The following ATP11C variants were observed in gnomAD, a reference collection of about 807,000 sequenced individuals.
ATP11C encodes the protein phospholipid-transporting ATPase IG.
A neutral mutation model predicts 97.4 loss-of-function variants in ATP11C; 36 were observed. The observed-to-expected ratio is 0.37, with a 90% CI of 0.28 to 0.49. The LOEUF is 0.49. Ranked by LOEUF, ATP11C falls within the 20% of genes least tolerant of loss-of-function variation. The pLI is 0.98. For synonymous variants in ATP11C, 275 were observed against 290.9 expected (o/e 0.95, Z 0.56); for missense variants, 730 against 824.6 (o/e 0.89, Z 1.40).
chrX:139,842,483 C>T lies in ATP11C; in HGVS notation c.28-15660G>A, dbSNP rs150478656. Among the ~76,000 whole-genome samples, 454 of 112,730 alleles carry T rather than the reference C, an allele frequency of 4.0e-3. 3 individuals carry two copies. Among genetic ancestry groups the T allele is most frequent in the African/African-American group, 0.014 (434 of 31,086 alleles). ...CTTCTCTCCTTTTGCTTGCATTCTA[C>T]CTCTCACTGACCTCTGAGCTAGGGC... is the stretch of plus-strand genomic sequence containing the variant. On this transcript the variant is annotated intron_variant, in intron 1 of 29. Coordinates refer to ENST00000682941, the MANE Select transcript of ATP11C (RefSeq NM_001353812.2).
intron 1 of ATP11C, among the ~76,000 whole-genome samples, chrX:139,915,613 T>A (rs1197674874): frequency 9.1e-6 from 1 of 109,647 alleles, no homozygotes; most frequent in Non-Finnish European, 1.9e-5. Context: ...GAGGTTACAG[T>A]GAGCCACTCC....
intron 1 of ATP11C, among the ~76,000 whole-genome samples, 189 bp downstream of exon 1, chrX:139,931,827 C>T (rs1476378689): frequency 4.5e-5 from 5 of 110,042 alleles, no homozygotes; most frequent in Non-Finnish European, 9.5e-5. Context: ...GGGTGGGATA[C>T]CCCGAGAGCC....
Position 139,770,250 on chromosome X carries a change from G to C in ATP11C, c.2217-1816C>G, listed in dbSNP as rs1348574525. The stretch of plus-strand genomic sequence containing the variant: ...CTTAGATTGATAGAAGCATACATGA[G>C]AGAACTACCTAACCAAACAAGATAA... On this transcript the variant is annotated intron_variant, in intron 19 of 29. Coordinates refer to ENST00000682941, the MANE Select transcript of ATP11C (RefSeq NM_001353812.2). 5.4e-5 allele frequency among the ~76,000 whole-genome samples: 6 copies of C among 112,087 alleles called. No individual in the cohort carries two copies. In the Admixed American group the frequency reaches 5.7e-4, roughly 11 times the overall value.
intron 29 of ATP11C, among the ~76,000 whole-genome samples, chrX:139,731,171 C>G (rs929937360): frequency 9.8e-5 from 11 of 111,684 alleles, no homozygotes; most frequent in African/African-American, 3.6e-4. Context: ...TGCAAACACA[C>G]AGACACAGCA....
chrX:139,865,556 T>A (rs1372186972), intron 1 of ATP11C, among the ~76,000 whole-genome samples: 4 of 110,150 alleles, frequency 3.6e-5, no homozygotes, highest in Non-Finnish European at 7.6e-5. Context: ...GGTCAAGAGA[T>A]TGAGACCATC....
At chrX:139,889,372 T>TA (rs2084694448) in intron 1 of ATP11C, among the ~76,000 whole-genome samples, 1 of 111,615 alleles carries the variant, frequency 9.0e-6, no homozygotes, top group South Asian at 3.8e-4. Flanking sequence ...GACGAAACTG[T>TA]AAGGGACAGA....
chrX:139,727,777 T>C lies in ATP11C; in HGVS notation c.*1189A>G, dbSNP rs1191869401. Reference sequence around the variant, plus strand: ...ACATTTATGTTTCAAGTGAACTAATTAGAAGGCTAAACCTTCCTTCTAGTT... The same window carrying C: ...ACATTTATGTTTCAAGTGAACTAATCAGAAGGCTAAACCTTCCTTCTAGTT... On this transcript the variant is annotated 3_prime_UTR_variant, in exon 30 of 30. Coordinates refer to ENST00000682941, the MANE Select transcript of ATP11C (RefSeq NM_001353812.2). The C allele has an allele frequency of 3.6e-5, 4 of 112,283 alleles. No homozygotes were observed. The highest frequency in any genetic ancestry group is 1.3e-4 in the African/African-American group (4 of 30,920). 9.3% of individuals were successfully genotyped at this position (112,283 alleles called of 1,213,427 possible). A position where few individuals can be genotyped will look rare whatever the true frequency, so the allele number is the denominator to read the frequency against.
chrX:139,753,940 C>T (rs1195097771), intron 23 of ATP11C, among the ~76,000 whole-genome samples: 3 of 110,780 alleles, frequency 2.7e-5, no homozygotes, highest in African/African-American at 9.9e-5. Flanking sequence ...CAAACCAACC[C>T]CAAAGCTAGA....
chrX:139,922,108 G>T (rs969724455), intron 1 of ATP11C, among the ~76,000 whole-genome samples: 1 of 105,234 alleles, frequency 9.5e-6, no homozygotes, highest in Non-Finnish European at 1.9e-5. Context: ...AGGAGGCTGA[G>T]GCAGGAGAAT....
intron 3 of ATP11C, 62 bp from the exon 4 acceptor site, chrX:139,817,005 C>G (rs761961336): frequency 1.5e-6 from 1 of 685,464 alleles, no homozygotes; most frequent in Admixed American, 2.9e-5. Flanking sequence ...ATATGCAGCA[C>G]TTACATGCTG....
intron 1 of ATP11C, among the ~76,000 whole-genome samples, chrX:139,879,123 A>G (rs1449842842): frequency 9.1e-6 from 1 of 110,379 alleles, no homozygotes; most frequent in Non-Finnish European, 1.9e-5. Flanking sequence ...ACAAAACAAA[A>G]CAAAACAGGA....
At chrX:139,754,223 A>G (rs894559312) in intron 23 of ATP11C, among the ~76,000 whole-genome samples, 2 of 111,951 alleles carry the variant, frequency 1.8e-5, no homozygotes, top group South Asian at 3.7e-4. Context: ...TAGAAAACCT[A>G]TAAGAAATGG....
At chrX:139,864,343 C>T (rs184875169) in intron 1 of ATP11C, among the ~76,000 whole-genome samples, 335 of 111,939 alleles carry the variant, frequency 3.0e-3, no homozygotes, top group Non-Finnish European at 5.2e-3. Flanking sequence ...GTTCTTTTAC[C>T]TTTGTGCCAA....
intron 1 of ATP11C, among the ~76,000 whole-genome samples, chrX:139,870,783 G>A (rs373771303): frequency 3.6e-5 from 4 of 112,030 alleles, no homozygotes; most frequent in South Asian, 3.6e-4. Context: ...GCGGCCAGGC[G>A]CGGTGGCTCA....
intron 23 of ATP11C, among the ~76,000 whole-genome samples, chrX:139,754,896 T>C (rs777977912): frequency 9.0e-6 from 1 of 111,638 alleles, no homozygotes; most frequent in African/African-American, 3.3e-5. Context: ...CACTTAACAA[T>C]CAAAAGCTGG....
At chrX:139,859,829 C>T (rs759436054) in intron 1 of ATP11C, among the ~76,000 whole-genome samples, 5 of 82,279 alleles carry the variant, frequency 6.1e-5, no homozygotes, top group Middle Eastern at 5.0e-3. Flanking sequence ...TGGCTGGGCG[C>T]GGTGGCTCAC....
At chrX:139,901,127 T>C (rs1427796640) in intron 1 of ATP11C, among the ~76,000 whole-genome samples, 1 of 111,834 alleles carries the variant, frequency 8.9e-6, no homozygotes, top group African/African-American at 3.3e-5. Flanking sequence ...TCATGGGCAG[T>C]GACCAATGGC....
At chrX:139,933,224 T>C (rs2085475648), upstream of ATP11C, among the ~76,000 whole-genome samples, 2 of 110,594 alleles carry the variant, frequency 1.8e-5, no homozygotes, top group Non-Finnish European at 3.8e-5. Context: ...CACACGCTAG[T>C]CCCGGGTTTG....
At chrX:139,763,004 T>A (rs749879300) in intron 21 of ATP11C, among the ~76,000 whole-genome samples, 1 of 112,200 alleles carries the variant, frequency 8.9e-6, no homozygotes, top group Admixed American at 9.4e-5. Context: ...TCAATAAAAA[T>A]TTCATGCATG....
Sources: gnomAD v4.1 joint callset for allele counts (sites outside exome capture counted in the v4.1 genomes callset) on GRCh38, gnomAD v4.1.1 for gene constraint, MANE v1.5 for transcripts, NCBI Gene and HGNC (gene_info 2026-07-23, HGNC 2026-07-21) for gene names.